UHRF2: variants seen among roughly 807,000 people sequenced by gnomAD.
UHRF2 encodes the protein ubiquitin like with PHD and ring finger domains 2.
Under a neutral mutation model 96.8 loss-of-function variants are expected in UHRF2, and 23 were observed. The observed-to-expected ratio is 0.24, with a 90% CI of 0.17 to 0.34. The LOEUF (loss-of-function observed/expected upper bound fraction) is 0.34, where lower values mean the gene tolerates loss of function less well. UHRF2 is among the 10% of genes least tolerant of loss of function. The probability of loss-of-function intolerance (pLI) is 1.00; values close to 1 mark genes in which losing one functional copy is unlikely to be tolerated. For synonymous variants in UHRF2, 385 were observed against 332.6 expected, an observed-to-expected ratio of 1.16 and a Z score of -1.72; for missense variants, 685 against 981.5, an observed-to-expected ratio of 0.70 and a Z score of 4.04.
chr9:6,437,484 C>G (rs929303985), intron 3 of UHRF2, among the ~76,000 whole-genome samples: 2 of 152,192 alleles, frequency 1.3e-5, no homozygotes, highest in African/African-American at 2.4e-5. Context: ...CCACCTACCT[C>G]AACCTCCCAA....
In UHRF2 at chr9:6,507,009, A is replaced by G. The variant is rs535163217; in HGVS notation, c.*830A>G. ...TGTGATCCTAAATTTTATATTCACT[A>G]TATTCCCTAAAGTATACCTTAATAA... On this transcript the variant is annotated 3_prime_UTR_variant, in exon 16 of 16. Transcript: ENST00000276893. 1 of 152,624 alleles carries G rather than the reference A, an allele frequency of 6.6e-6. No individual in the cohort carries two copies. The highest frequency in any genetic ancestry group is 6.5e-5 in the Admixed American group (1 of 15,310). 9.5% of individuals were successfully genotyped at this position (152,624 alleles called of 1,614,324 possible). A position where few individuals can be genotyped will look rare whatever the true frequency, so the allele number is the denominator to read the frequency against.
chr9:6,476,746 C>G (rs1175515261), intron 5 of UHRF2, among the ~76,000 whole-genome samples: 2 of 152,070 alleles, frequency 1.3e-5, no homozygotes, highest in South Asian at 2.1e-4. Flanking sequence ...AGGCACCCAC[C>G]ACCATGCCTG....
At chr9:6,418,219 T>A (rs898223265) in intron 1 of UHRF2, among the ~76,000 whole-genome samples, 2 of 151,592 alleles carry the variant, frequency 1.3e-5, no homozygotes, top group South Asian at 2.1e-4. Flanking sequence ...TTTTTTGGGG[T>A]TTTTTTCCCT....
At chr9:6,488,168 A>G (rs1163999163) in intron 9 of UHRF2, among the ~76,000 whole-genome samples, 2 of 146,990 alleles carry the variant, frequency 1.4e-5, no homozygotes, top group African/African-American at 2.5e-5. Flanking sequence ...GCTTGAGCTC[A>G]GGAGGTCGAG....
At chr9:6,466,343 A>G (rs1400853149) in intron 4 of UHRF2, among the ~76,000 whole-genome samples, 1 of 152,062 alleles carries the variant, frequency 6.6e-6, no homozygotes, top group Non-Finnish European at 1.5e-5. Context: ...TTCTAGACCA[A>G]CCTGGGCAAC....
chr9:6,470,317 G>T (rs1450560246), intron 4 of UHRF2, among the ~76,000 whole-genome samples: 1 of 149,162 alleles, frequency 6.7e-6, no homozygotes, highest in African/African-American at 2.5e-5. Flanking sequence ...AGGTTGCAGT[G>T]AGCTGAGATC....
At position 6,425,724 on chromosome 9, in the gene UHRF2, C is replaced by T. The variant is rs375577877; in HGVS notation, c.384+4582C>T. On this transcript the variant is annotated intron_variant, in intron 2 of 15. Coordinates refer to ENST00000276893, the MANE Select transcript of UHRF2 (RefSeq NM_152896.3). The stretch of plus-strand genomic sequence containing the variant: ...GTTACGGGGAGCCGAGATCGCGCCA[C>T]TGCACTCCAAGCCTGGGTGAGTGAG... Among the ~76,000 whole-genome samples, 237 of 152,160 alleles carry T rather than the reference C, an allele frequency of 1.6e-3. 1 individual carries two copies. The highest frequency in any genetic ancestry group is 0.013 in the South Asian group (61 of 4,828).
intron 2 of UHRF2, among the ~76,000 whole-genome samples, chr9:6,426,854 T>C (rs1820288141): frequency 6.6e-6 from 1 of 152,202 alleles, no homozygotes; most frequent in African/African-American, 2.4e-5. Context: ...GTTCAAGCGA[T>C]TCTACTGCTT....
intron 3 of UHRF2, among the ~76,000 whole-genome samples, chr9:6,443,094 T>C (rs1457917573): frequency 6.6e-6 from 1 of 152,212 alleles, no homozygotes. Context: ...GAAGTGTCTA[T>C]GTAAAGAAGG....
At chr9:6,497,956 C>G in intron 11 of UHRF2, 62 bp from the exon 12 acceptor site, 3 of 1,585,808 alleles carry the variant, frequency 1.9e-6, no homozygotes, top group East Asian at 4.5e-5. Context: ...TTTGATACCA[C>G]TAATGTGATG....
chr9:6,447,947 A>G (rs1217751576), intron 3 of UHRF2, among the ~76,000 whole-genome samples: 8 of 152,314 alleles, frequency 5.3e-5, no homozygotes, highest in Middle Eastern at 6.8e-3. Context: ...AGGATTGGTT[A>G]ATTTGTATTA....
intron 6 of UHRF2, among the ~76,000 whole-genome samples, chr9:6,480,906 T>C (rs1823886233): frequency 6.6e-6 from 1 of 152,154 alleles, no homozygotes; most frequent in African/African-American, 2.4e-5. Flanking sequence ...AAAAGCTACG[T>C]AGAATAGATA....
chr9:6,446,973 C>T (rs1231819573), intron 3 of UHRF2, among the ~76,000 whole-genome samples: 1 of 152,168 alleles, frequency 6.6e-6, no homozygotes, highest in Non-Finnish European at 1.5e-5. Flanking sequence ...ACTGCAAGCT[C>T]CGCCTCCCGG....
chr9:6,439,018 T>C (rs1821006736), intron 3 of UHRF2, among the ~76,000 whole-genome samples: 1 of 152,222 alleles, frequency 6.6e-6, no homozygotes, highest in Non-Finnish European at 1.5e-5. Context: ...TGAAATAATT[T>C]GTTTCCTAAT....
intron 14 of UHRF2, among the ~76,000 whole-genome samples, chr9:6,504,048 C>T (rs1172501631): frequency 2.8e-5 from 3 of 107,272 alleles, no homozygotes; most frequent in Non-Finnish European, 3.3e-5. Context: ...TTTTTTAAGA[C>T]CGAGTCTCGC....
intron 4 of UHRF2, among the ~76,000 whole-genome samples, chr9:6,463,381 T>C (rs1361513842): frequency 2.0e-5 from 3 of 152,062 alleles, no homozygotes; most frequent in Non-Finnish European, 1.5e-5. Flanking sequence ...TACAATAAAA[T>C]GTAAAGTATT....
At chr9:6,485,384 G>C (rs1462097187) in intron 8 of UHRF2, among the ~76,000 whole-genome samples, 1 of 151,702 alleles carries the variant, frequency 6.6e-6, no homozygotes, top group South Asian at 2.1e-4. Flanking sequence ...TCCTTATATA[G>C]TCTAAGATGA....
chr9:6,465,545 A>G (rs1156298310), intron 4 of UHRF2, among the ~76,000 whole-genome samples: 2 of 152,126 alleles, frequency 1.3e-5, no homozygotes, highest in African/African-American at 2.4e-5. Context: ...GAATTTATCT[A>G]TTGCATCTAA....
At chr9:6,477,002 T>A (rs934212967) in intron 5 of UHRF2, among the ~76,000 whole-genome samples, 3 of 152,128 alleles carry the variant, frequency 2.0e-5, no homozygotes, top group African/African-American at 7.2e-5. Context: ...AGGCCAAGGT[T>A]GGTGAATCAC....
Sources: gnomAD v4.1 joint callset for allele counts (sites outside exome capture counted in the v4.1 genomes callset) on GRCh38, gnomAD v4.1.1 for gene constraint, MANE v1.5 for transcripts, NCBI Gene and HGNC (gene_info 2026-07-23, HGNC 2026-07-21) for gene names.